Variants in DLC1 observed in about 807,000 individuals in gnomAD.
The protein encoded by DLC1 is rho GTPase-activating protein 7.
Under a neutral mutation model 140.3 loss-of-function variants are expected in DLC1, and 54 were observed. The observed-to-expected ratio is 0.38, with a 90% CI of 0.31 to 0.48. The LOEUF is 0.48. Among genes scored for constraint, DLC1 ranks in the 20% least tolerant of loss-of-function variants. The probability of loss-of-function intolerance (pLI) is 0.96; values close to 1 mark genes in which losing one functional copy is unlikely to be tolerated. For missense variants in DLC1, 2,536 were observed against 1,907.0 expected, an observed-to-expected ratio of 1.33 and a Z score of -6.14; for synonymous variants, 986 against 728.1, an observed-to-expected ratio of 1.35 and a Z score of -5.70.
intron 1 of DLC1, among the ~76,000 whole-genome samples, chr8:13,560,889 C>CG (rs1407318605): frequency 6.6e-6 from 1 of 152,088 alleles, no homozygotes; most frequent in Non-Finnish European, 1.5e-5. Flanking sequence ...CCTCCCCTCA[C>CG]AACCCTCAGA....
chr8:13,151,305 AC>A (rs1305457256), intron 5 of DLC1, among the ~76,000 whole-genome samples: 1 of 152,246 alleles, frequency 6.6e-6, no homozygotes, highest in Non-Finnish European at 1.5e-5. Context: ...CACATTCAGT[AC>A]TATGTATGCA....
chr8:13,557,678 C>G (rs560319097), intron 1 of DLC1: 2 of 152,384 alleles, frequency 1.3e-5, no homozygotes, highest in Non-Finnish European at 2.9e-5. Flanking sequence ...ACCCCTTCAC[C>G]TTCTGCCATG....
intron 4 of DLC1, among the ~76,000 whole-genome samples, chr8:13,361,213 C>CT (rs1835211099): frequency 6.6e-6 from 1 of 152,028 alleles, no homozygotes; most frequent in Admixed American, 6.6e-5. Flanking sequence ...GCCTGGGCGA[C>CT]GGAGTGAGAC....
intron 5 of DLC1, among the ~76,000 whole-genome samples, chr8:13,296,626 C>T (rs1831967723): frequency 6.6e-6 from 1 of 152,130 alleles, no homozygotes; most frequent in Admixed American, 6.5e-5. Context: ...ACCAAATAAA[C>T]AGATTGATTC....
intron 5 of DLC1, among the ~76,000 whole-genome samples, chr8:13,190,044 CAA>C (rs1286357288): frequency 1.3e-5 from 2 of 152,034 alleles, no homozygotes; most frequent in South Asian, 2.1e-4. Context: ...GTAGCCGCTG[CAA>C]AAAACATCAA....
chr8:13,404,612 C>T (rs898530804), intron 2 of DLC1, among the ~76,000 whole-genome samples: 1 of 151,980 alleles, frequency 6.6e-6, no homozygotes, highest in African/African-American at 2.4e-5. Context: ...CCCTGGGCAA[C>T]AGGGATTAAC....
intron 5 of DLC1, among the ~76,000 whole-genome samples, chr8:13,303,727 G>A (rs1832304074): frequency 6.6e-6 from 1 of 152,230 alleles, no homozygotes; most frequent in East Asian, 1.9e-4. Context: ...GCTTGAATCT[G>A]GGAGGTGGAG....
intron 4 of DLC1, among the ~76,000 whole-genome samples, chr8:13,369,930 G>A (rs1173662792): frequency 6.7e-6 from 1 of 149,998 alleles, no homozygotes; most frequent in Non-Finnish European, 1.5e-5. Context: ...AAAAAAAATG[G>A]AAAAAGGAAA....
At position 13,499,745 on chromosome 8, in the gene DLC1, A is replaced by G. The variant is rs767650267; in HGVS notation, c.327T>C (p.His109=). The change falls in exon 2 of 18, where the codon CAT becomes CAC. Residue 109 remains histidine, a synonymous_variant. Transcript: ENST00000276297. ...CAGCATTGTTATCCTCATCAGAAAC[A>G]TGCACTAGTGTTTCTGTGCTGGCTT... The part of the protein sequence containing the change: ...SLEASTETLV[H]VSDEDNNADL... 1.2e-6 allele frequency: 2 copies of G among 1,614,152 alleles called. No homozygotes were observed. The highest frequency in any genetic ancestry group is 2.2e-5 in the South Asian group (2 of 91,090).
chr8:13,431,875 A>G (rs1441653743), intron 2 of DLC1, among the ~76,000 whole-genome samples: 1 of 152,178 alleles, frequency 6.6e-6, no homozygotes, highest in African/African-American at 2.4e-5. Flanking sequence ...GATTCAGGAC[A>G]GATAAAAGGT....
chr8:13,160,751 G>C (rs550342628), intron 5 of DLC1, among the ~76,000 whole-genome samples: 2 of 152,264 alleles, frequency 1.3e-5, no homozygotes, highest in East Asian at 1.9e-4. Flanking sequence ...ATGTTTTTGT[G>C]AAACTACCAT....
chr8:13,579,149 C>G (rs1268257217), intron 1 of DLC1, among the ~76,000 whole-genome samples: 1 of 146,578 alleles, frequency 6.8e-6, no homozygotes, highest in Non-Finnish European at 1.5e-5. Flanking sequence ...AGCTTTGTGC[C>G]AGAAACCAGG....
intron 4 of DLC1, among the ~76,000 whole-genome samples, chr8:13,389,787 C>T (rs1455788979): frequency 6.6e-6 from 1 of 152,042 alleles, no homozygotes; most frequent in Non-Finnish European, 1.5e-5. Flanking sequence ...GTGGTCACTA[C>T]TATAAATAGA....
At chr8:13,453,482 A>ATATATATATACATATATATATGTG in intron 2 of DLC1, among the ~76,000 whole-genome samples, 1 of 36,726 alleles carries the variant, frequency 2.7e-5, no homozygotes, top group Non-Finnish European at 4.7e-5. Context: ...ATATATATGT[A>ATATATATATACATATATATATGTG]TATATATACA....
At chr8:13,427,470 C>T (rs1038818427) in intron 2 of DLC1, among the ~76,000 whole-genome samples, 63 of 152,192 alleles carry the variant, frequency 4.1e-4, no homozygotes, top group African/African-American at 2.4e-4. Flanking sequence ...TACAGAATTA[C>T]ATTTTCTTAA....
chr8:13,237,047 A>T (rs1829312982), intron 5 of DLC1, among the ~76,000 whole-genome samples: 1 of 151,922 alleles, frequency 6.6e-6, no homozygotes, highest in Non-Finnish European at 1.5e-5. Context: ...TTCCAACTTT[A>T]ACTTTTTATG....
At chr8:13,414,151 A>T (rs569001681) in intron 2 of DLC1, among the ~76,000 whole-genome samples, 70 of 152,194 alleles carry the variant, frequency 4.6e-4, no homozygotes, top group Non-Finnish European at 1.5e-5. Context: ...TTTTTCATAT[A>T]CTATCTTTTT....
intron 4 of DLC1, among the ~76,000 whole-genome samples, chr8:13,388,737 T>G (rs970738986): frequency 1.3e-5 from 2 of 152,012 alleles, no homozygotes; most frequent in African/African-American, 4.8e-5. Context: ...ATTTTATATG[T>G]ATACATATAT....
Position 13,395,468 on chromosome 8 carries a change from A to G in DLC1, c.1174-1775T>C, listed in dbSNP as rs577727500. On this transcript the variant is annotated intron_variant, in intron 3 of 17. Coordinates refer to ENST00000276297, the MANE Select transcript of DLC1 (RefSeq NM_182643.3). Reference sequence around the variant, plus strand: ...CCTCTATTAGAATCTATGCATCGCAAGAGTAAGGACTTCACCTGTCTTGTT... The same window carrying G: ...CCTCTATTAGAATCTATGCATCGCAGGAGTAAGGACTTCACCTGTCTTGTT... 2.6e-5 allele frequency among the ~76,000 whole-genome samples: 4 copies of G among 152,256 alleles called. No individual in the cohort carries two copies. The South Asian group carries it at 8.3e-4, about 32-fold the overall frequency.
Sources: gnomAD v4.1 joint callset for allele counts (sites outside exome capture counted in the v4.1 genomes callset) on GRCh38, gnomAD v4.1.1 for gene constraint, MANE v1.5 for transcripts, NCBI Gene and HGNC (gene_info 2026-07-23, HGNC 2026-07-21) for gene names.